CFAP95: variants seen among roughly 807,000 people sequenced by gnomAD.
CFAP95 encodes cilia and flagella associated protein 95.
chr9:69,848,127 G>A, the CFAP95 span, among the ~76,000 whole-genome samples: 1 of 152,248 alleles, frequency 6.6e-6, no homozygotes, highest in African/African-American at 2.4e-5. Flanking sequence ...TGTGCCTCAC[G>A]AAGTTAGACA....
chr9:69,901,960 T>C, the CFAP95 span, among the ~76,000 whole-genome samples: 3 of 152,214 alleles, frequency 2.0e-5, no homozygotes, highest in Admixed American at 1.3e-4. Context: ...CATTTTTTCA[T>C]GTGTTTTATG....
chr9:69,840,492 G>T, the CFAP95 span, among the ~76,000 whole-genome samples: 8 of 152,032 alleles, frequency 5.3e-5, no homozygotes, highest in East Asian at 1.9e-4. Flanking sequence ...GATTCATTTA[G>T]TTCCTCAGTT....
chr9:69,876,883 C>T, the CFAP95 span, among the ~76,000 whole-genome samples: 8 of 152,280 alleles, frequency 5.3e-5, no homozygotes, highest in African/African-American at 1.9e-4. Context: ...GATCCACCTG[C>T]CTTGGCCTCC....
the CFAP95 span, among the ~76,000 whole-genome samples, chr9:69,823,267 G>T: frequency 6.6e-6 from 1 of 152,066 alleles, no homozygotes; most frequent in Admixed American, 6.6e-5. Flanking sequence ...GATAGCATGG[G>T]GACAACTGCT....
the CFAP95 span, among the ~76,000 whole-genome samples, chr9:69,825,464 G>A: frequency 1.3e-5 from 2 of 152,130 alleles, no homozygotes; most frequent in South Asian, 2.1e-4. Context: ...CCTTTGGTTC[G>A]TTACTAGGAT....
chr9:69,842,700 G>T, the CFAP95 span, among the ~76,000 whole-genome samples: 1 of 152,192 alleles, frequency 6.6e-6, no homozygotes, highest in South Asian at 2.1e-4. Flanking sequence ...GCTGGGACCT[G>T]GTTGAGCTTG....
At chr9:69,836,977 G>A in the CFAP95 span, among the ~76,000 whole-genome samples, 6 of 145,068 alleles carry the variant, frequency 4.1e-5, no homozygotes, top group African/African-American at 1.0e-4. Flanking sequence ...GAGAATATGC[G>A]GTGTTTGGTT....
At chr9:69,827,793 C>T in the CFAP95 span, among the ~76,000 whole-genome samples, 1 of 152,194 alleles carries the variant, frequency 6.6e-6, no homozygotes, top group African/African-American at 2.4e-5. Context: ...CAGGCTTGTC[C>T]TCTCACAGCC....
the CFAP95 span, among the ~76,000 whole-genome samples, chr9:69,878,874 C>T: frequency 2.0e-5 from 3 of 152,120 alleles, no homozygotes; most frequent in African/African-American, 7.2e-5. Flanking sequence ...CTAGGGAGTC[C>T]TCAGACAGCT....
chr9:69,902,803 T>A, the CFAP95 span, among the ~76,000 whole-genome samples: 1 of 152,180 alleles, frequency 6.6e-6, no homozygotes, highest in African/African-American at 2.4e-5. Flanking sequence ...TTTGAATACC[T>A]GCCTTGTTCT....
the CFAP95 span, among the ~76,000 whole-genome samples, chr9:69,878,518 G>T: frequency 6.6e-6 from 1 of 152,176 alleles, no homozygotes; most frequent in Non-Finnish European, 1.5e-5. Flanking sequence ...GTAAATCCAA[G>T]TTTGTGGTAT....
the CFAP95 span, chr9:69,821,175 G>C: frequency 6.7e-6 from 6 of 893,064 alleles, no homozygotes; most frequent in Admixed American, 3.1e-5. Flanking sequence ...TGAGAAAAGT[G>C]GGGGAGAAAT....
At chr9:69,844,729 CTG>C in the CFAP95 span, 1 of 725,652 alleles carries the variant, frequency 1.4e-6, no homozygotes, top group South Asian at 2.1e-5. Flanking sequence ...CCCTCGTTAA[CTG>C]TGTTAGTTAC....
chr9:69,869,275 TA>T, the CFAP95 span, among the ~76,000 whole-genome samples: 74 of 152,218 alleles, frequency 4.9e-4, no homozygotes, highest in Non-Finnish European at 9.6e-4. Flanking sequence ...TATTTCACCT[TA>T]AAAAAGAAGA....
the CFAP95 span, chr9:69,886,947 T>C: frequency 5.0e-6 from 7 of 1,403,634 alleles, no homozygotes; most frequent in Non-Finnish European, 7.0e-6. Context: ...GAAATGATTA[T>C]TTGCACCTAG....
the CFAP95 span, among the ~76,000 whole-genome samples, chr9:69,863,716 A>G: frequency 6.6e-6 from 1 of 152,168 alleles, no homozygotes; most frequent in Admixed American, 6.6e-5. Flanking sequence ...AGTAAAATAA[A>G]CAACAACCAG....
At chr9:69,855,449 T>G in the CFAP95 span, among the ~76,000 whole-genome samples, 5 of 152,228 alleles carry the variant, frequency 3.3e-5, no homozygotes, top group East Asian at 9.6e-4. Context: ...TCTCAAAAGA[T>G]TTTTTTTGCT....
the CFAP95 span, among the ~76,000 whole-genome samples, chr9:69,849,688 C>T: frequency 2.0e-5 from 3 of 152,064 alleles, no homozygotes; most frequent in Admixed American, 6.6e-5. Context: ...CTAAAGGAAC[C>T]ATCTCTTGGC....
the CFAP95 span, among the ~76,000 whole-genome samples, chr9:69,897,663 T>C: frequency 6.6e-6 from 1 of 152,146 alleles, no homozygotes; most frequent in Non-Finnish European, 1.5e-5. Flanking sequence ...AGAAGTAGCA[T>C]TATCATTTTA....
Sources: gnomAD v4.1 joint callset for allele counts (sites outside exome capture counted in the v4.1 genomes callset) on GRCh38, gnomAD v4.1.1 for gene constraint, MANE v1.5 for transcripts, NCBI Gene and HGNC (gene_info 2026-07-23, HGNC 2026-07-21) for gene names.